BTBD8: variants seen among roughly 807,000 people sequenced by gnomAD.
BTBD8 encodes the protein BTB domain containing 8.
In BTBD8, 110 loss-of-function variants were observed where a neutral mutation model predicts 162.9. The observed-to-expected ratio is 0.68, with a 90% CI of 0.58 to 0.79. The LOEUF (loss-of-function observed/expected upper bound fraction) is 0.79, where lower values mean the gene tolerates loss of function less well. BTBD8 is among the 30% of genes least tolerant of loss of function. The probability of loss-of-function intolerance (pLI) is 0.00; values close to 1 mark genes in which losing one functional copy is unlikely to be tolerated. For synonymous variants in BTBD8, 667 were observed against 716.1 expected (o/e 0.93, Z 1.10); for missense variants, 1,905 against 2,085.4 (o/e 0.91, Z 1.68).
intron 9 of BTBD8, among the ~76,000 whole-genome samples, chr1:92,163,354 CAAAAAAA>C (rs34760395): frequency 5.9e-4 from 12 of 20,406 alleles, no homozygotes; most frequent in East Asian, 3.1e-3. Context: ...GATTCTGTCT[CAAAAAAA>C]AAAAAAAAAA....
intron 5 of BTBD8, among the ~76,000 whole-genome samples, 182 bp downstream of exon 5, chr1:92,129,958 G>T (rs1649470120): frequency 1.3e-5 from 2 of 152,204 alleles, no homozygotes; most frequent in Admixed American, 1.3e-4. Context: ...GAGGTATTGT[G>T]TTAATCTGCT....
intron 4 of BTBD8, 27 bp from the exon 5 acceptor site, chr1:92,129,660 T>G (rs1220751082): frequency 6.5e-7 from 1 of 1,531,574 alleles, no homozygotes; most frequent in Non-Finnish European, 9.0e-7. Context: ...AATGTTTACC[T>G]GTGTTTCTCC....
intron 16 of BTBD8, among the ~76,000 whole-genome samples, chr1:92,179,081 A>G (rs894477501): frequency 2.6e-5 from 4 of 152,070 alleles, no homozygotes; most frequent in Admixed American, 1.3e-4. Context: ...CCCCATCTCT[A>G]CTAAAAACAC....
At chr1:92,090,789 G>A (rs569519757) in intron 2 of BTBD8, among the ~76,000 whole-genome samples, 6 of 152,248 alleles carry the variant, frequency 3.9e-5, no homozygotes, top group East Asian at 1.9e-4. Context: ...AAAATTAGCC[G>A]GGCATGGTGG....
At chr1:92,167,502 C>T (rs1232144829) in intron 10 of BTBD8, among the ~76,000 whole-genome samples, 1 of 152,196 alleles carries the variant, frequency 6.6e-6, no homozygotes, top group Non-Finnish European at 1.5e-5. Context: ...AAGCTACTTT[C>T]TCTAAAATTA....
chr1:92,170,464 GTAT>G (rs1435709703), intron 12 of BTBD8, among the ~76,000 whole-genome samples: 1 of 151,954 alleles, frequency 6.6e-6, no homozygotes, highest in African/African-American at 2.4e-5. Context: ...TTCTTCCTGT[GTAT>G]TATTGTGCAG....
chr1:92,180,519 G>T lies in BTBD8; in HGVS notation c.2836G>T (p.Val946Phe), dbSNP rs200439049. ...AAAACAGAAAATGCCTCCTGGACAGGTTATATCAAAAACTCAGCCTTCCTC... is the reference window on the plus strand; with the variant it reads ...AAAACAGAAAATGCCTCCTGGACAGTTTATATCAAAAACTCAGCCTTCCTC... ...DSKQKMPPGQ[V>F]ISKTQPSSQR... is the part of the protein sequence containing the mutation. The change falls in exon 17 of 18, where the codon GTT (valine) becomes TTT (phenylalanine). Residue 946 changes from valine to phenylalanine, a missense_variant. By Grantham distance (50) the Val-to-Phe change is conservative. Coordinates refer to ENST00000636805, the MANE Select transcript of BTBD8 (RefSeq NM_001376131.1). 615 of 1,551,422 alleles carry T rather than the reference G, an allele frequency of 4.0e-4. 5 individuals are homozygous for T. The highest frequency in any genetic ancestry group is 7.9e-5 in the Non-Finnish European group (91 of 1,146,922).
At chr1:92,136,177 C>T (rs1649627321) in intron 5 of BTBD8, among the ~76,000 whole-genome samples, 1 of 152,092 alleles carries the variant, frequency 6.6e-6, no homozygotes, top group Admixed American at 6.6e-5. Context: ...TCAATTTAGT[C>T]TCCCTCTGAA....
chr1:92,119,852 C>T (rs1266474866), intron 4 of BTBD8, among the ~76,000 whole-genome samples: 1 of 145,778 alleles, frequency 6.9e-6, no homozygotes, highest in Non-Finnish European at 1.5e-5. Flanking sequence ...CATGATCTGC[C>T]CGAGGGATTA....
chr1:92,147,769 A>G lies in BTBD8; in HGVS notation c.1105A>G (p.Met369Val), dbSNP rs372098853. 4 of 1,612,958 alleles carry G rather than the reference A, an allele frequency of 2.5e-6. No individual in the cohort carries two copies. Among genetic ancestry groups the G allele is most frequent in the Non-Finnish European group, 3.4e-6 (4 of 1,179,458 alleles). ...PPEIQKSCLN[M>V]LIQSLNDKNA... ...TGAGATTCAGAAAAGTTGTCTTAAT[A>G]TGTTGATTCAGTCCTTAGTAAGTAT... Residue 369 changes from methionine (M) to valine (V), a missense_variant, in exon 9 of 18, where the codon ATG becomes GTG. By Grantham distance (21) the Met-to-Val change is conservative. Transcript: ENST00000636805.
At chr1:92,092,476 G>C (rs1351298726) in intron 2 of BTBD8, among the ~76,000 whole-genome samples, 1 of 151,966 alleles carries the variant, frequency 6.6e-6, no homozygotes, top group Non-Finnish European at 1.5e-5. Context: ...AGGACACAGT[G>C]AGGCGATGGT....
chr1:92,159,131 C>G (rs574911376), intron 9 of BTBD8, among the ~76,000 whole-genome samples: 3 of 151,934 alleles, frequency 2.0e-5, no homozygotes, highest in South Asian at 2.1e-4. Context: ...TGATTCATTA[C>G]TCTTCGTTTG....
At chr1:92,154,214 A>G (rs987022832) in intron 9 of BTBD8, among the ~76,000 whole-genome samples, 3 of 152,202 alleles carry the variant, frequency 2.0e-5, no homozygotes, top group Non-Finnish European at 4.4e-5. Context: ...CTGCAGGACC[A>G]TGAGCTAATA....
chr1:92,121,099 G>A (rs1399279824), intron 4 of BTBD8, among the ~76,000 whole-genome samples: 2 of 152,260 alleles, frequency 1.3e-5, no homozygotes, highest in East Asian at 3.9e-4. Context: ...CTAAATTGGT[G>A]TTGAATTTTG....
At chr1:92,146,629 C>T (rs1325638603) in intron 7 of BTBD8, among the ~76,000 whole-genome samples, 1 of 152,170 alleles carries the variant, frequency 6.6e-6, no homozygotes, top group African/African-American at 2.4e-5. Context: ...TCCCCATTAA[C>T]CCCCAGCAAC....
intron 2 of BTBD8, among the ~76,000 whole-genome samples, chr1:92,099,182 C>T (rs867773009): frequency 6.6e-6 from 1 of 152,116 alleles, no homozygotes; most frequent in African/African-American, 2.4e-5. Flanking sequence ...TGTCTGGACA[C>T]CCTTGTCAAA....
intron 3 of BTBD8, among the ~76,000 whole-genome samples, chr1:92,105,025 C>T (rs1005724497): frequency 2.0e-5 from 3 of 151,948 alleles, no homozygotes; most frequent in East Asian, 1.9e-4. Flanking sequence ...CTCCGCCTCC[C>T]GGGTTCACGC....
chr1:92,112,012 A>G (rs1027719259), intron 4 of BTBD8, among the ~76,000 whole-genome samples: 1 of 152,216 alleles, frequency 6.6e-6, no homozygotes, highest in African/African-American at 2.4e-5. Flanking sequence ...ATGACAATGA[A>G]TATAAGTCAA....
In BTBD8 at chr1:92,158,797, A is replaced by G. The variant is rs571092133; in HGVS notation, c.1123-8161A>G. ...AAAAAAATGAAAAAAAAAATTTAAG[A>G]CAGGATCTCACTCTGTCACCCAAGC... is the stretch of plus-strand genomic sequence containing the variant. On this transcript the variant is annotated intron_variant, in intron 9 of 17. Coordinates refer to ENST00000636805, the MANE Select transcript of BTBD8 (RefSeq NM_001376131.1). Among the ~76,000 whole-genome samples, 3 of 152,200 alleles carry G rather than the reference A, an allele frequency of 2.0e-5. No individual in the cohort carries two copies. The South Asian group carries it at 6.2e-4, about 32-fold the overall frequency.
Sources: allele counts gnomAD v4.1 joint callset (sites outside exome capture counted in the v4.1 genomes callset), GRCh38; gene constraint gnomAD v4.1.1; transcripts MANE v1.5; gene names NCBI Gene and HGNC (gene_info 2026-07-23, HGNC 2026-07-21).